STXBP5: variants seen among roughly 807,000 people sequenced by gnomAD.
STXBP5 encodes the protein syntaxin binding protein 5.
A neutral mutation model predicts 152.4 loss-of-function variants in STXBP5; 50 were observed. The ratio of observed to expected loss-of-function variants is 0.33; its 90% CI spans 0.26 to 0.42. The LOEUF is 0.42. STXBP5 is among the 10% of genes least tolerant of loss of function. The pLI, the probability that STXBP5 is intolerant of heterozygous loss-of-function variation, is 1.00. For missense variants in STXBP5, 1,167 were observed against 1,388.6 expected, an observed-to-expected ratio of 0.84 and a Z score of 2.54; for synonymous variants, 492 against 494.7, an observed-to-expected ratio of 0.99 and a Z score of 0.07.
At chr6:147,213,434 ATGTGTG>A (rs1159372834) in intron 2 of STXBP5, among the ~76,000 whole-genome samples, 163 of 85,592 alleles carry the variant, frequency 1.9e-3, no homozygotes, top group Admixed American at 3.9e-3. Flanking sequence ...AATTTTATAT[ATGTGTG>A]TGTGTGTGTG....
At chr6:147,382,716 G>T in intron 26 of STXBP5, 62 bp from the exon 27 acceptor site, 6 of 1,540,744 alleles carry the variant, frequency 3.9e-6, no homozygotes, top group Non-Finnish European at 5.3e-6. Flanking sequence ...AATGTAGTAG[G>T]ATTTTATATT....
intron 8 of STXBP5, among the ~76,000 whole-genome samples, chr6:147,284,575 G>T (rs1410766916): frequency 6.6e-6 from 1 of 152,202 alleles, no homozygotes; most frequent in Non-Finnish European, 1.5e-5. Context: ...TTGGGTAAAA[G>T]GTGTTGGACT....
At chr6:147,213,710 C>T (rs1376786559) in intron 2 of STXBP5, among the ~76,000 whole-genome samples, 1 of 151,874 alleles carries the variant, frequency 6.6e-6, no homozygotes, top group East Asian at 1.9e-4. Context: ...ATGAAAGTTT[C>T]CTGACCTGAT....
At chr6:147,258,408 C>T (rs1327419598) in intron 4 of STXBP5, among the ~76,000 whole-genome samples, 1 of 152,110 alleles carries the variant, frequency 6.6e-6, no homozygotes, top group Non-Finnish European at 1.5e-5. Context: ...CAAACATGCA[C>T]ACGCATAACA....
chr6:147,235,496 A>G (rs975091351), intron 3 of STXBP5, among the ~76,000 whole-genome samples, 165 bp downstream of exon 3: 12 of 152,186 alleles, frequency 7.9e-5, no homozygotes, highest in African/African-American at 2.2e-4. Context: ...CGTCATGGAC[A>G]GTTACATAAA....
At chr6:147,294,393 A>C (rs1460278005) in intron 9 of STXBP5, among the ~76,000 whole-genome samples, 1 of 152,088 alleles carries the variant, frequency 6.6e-6, no homozygotes, top group East Asian at 1.9e-4. Context: ...TTGTTAAAAA[A>C]TTAGATAAAT....
intron 3 of STXBP5, 87 bp from the exon 4 acceptor site, chr6:147,239,083 G>A: frequency 1.7e-6 from 2 of 1,194,496 alleles, no homozygotes; most frequent in Non-Finnish European, 2.3e-6. Context: ...TTGAAATTTG[G>A]GAAGGAGATA....
chr6:147,279,877 A>G (rs951420614), intron 8 of STXBP5, among the ~76,000 whole-genome samples: 1 of 152,182 alleles, frequency 6.6e-6, no homozygotes, highest in African/African-American at 2.4e-5. Context: ...AAAATCTTTC[A>G]TTTTAAACCC....
At chr6:147,309,813 T>G (rs1355752759) in intron 9 of STXBP5, among the ~76,000 whole-genome samples, 1 of 152,034 alleles carries the variant, frequency 6.6e-6, no homozygotes, top group Non-Finnish European at 1.5e-5. Context: ...CAGAGAGAAT[T>G]TTATGAAAAT....
Position 147,325,020 on chromosome 6 carries a change from G to C in STXBP5, c.1864G>C (p.Val622Leu). The stretch of plus-strand genomic sequence containing the variant: ...TCAAACAGAACTAGTTATTCAGTTG[G>C]TTTGGGTGGGTGGAGAACCACCACA... ...GYQTELVIQLVWVGGEPPQQI... is the reference protein window; with the variant it reads ...GYQTELVIQLLWVGGEPPQQI... The change falls in exon 17 of 28, where the codon GTT (valine) becomes CTT (leucine). Residue 622 changes from valine (V) to leucine (L), a missense_variant. Around this residue, in one of 3 missense-constraint regions of STXBP5, gnomAD observed 833 missense variants for 986.3 expected, o/e 0.84. Transcript: ENST00000321680. 1 of 1,595,960 alleles carries C rather than the reference G, an allele frequency of 6.3e-7. No individual in the cohort carries two copies. The highest frequency in any genetic ancestry group is 8.6e-7 in the Non-Finnish European group (1 of 1,168,836).
chr6:147,325,401 A>G (rs1256984189), intron 17 of STXBP5, among the ~76,000 whole-genome samples: 2 of 152,194 alleles, frequency 1.3e-5, no homozygotes, highest in African/African-American at 2.4e-5. Flanking sequence ...AATAATTACT[A>G]TAATGGAAAT....
chr6:147,211,798 C>G (rs1776870130), intron 2 of STXBP5, among the ~76,000 whole-genome samples: 1 of 152,130 alleles, frequency 6.6e-6, no homozygotes, highest in Non-Finnish European at 1.5e-5. Flanking sequence ...CCAGGCTGGT[C>G]TTGAACTCCT....
At chr6:147,314,960 T>C (rs1377614866) in intron 14 of STXBP5, among the ~76,000 whole-genome samples, 3 of 152,160 alleles carry the variant, frequency 2.0e-5, no homozygotes, top group Non-Finnish European at 4.4e-5. Context: ...AATGCCTGAC[T>C]CTAAATTTGT....
chr6:147,347,769 T>A (rs1784402671), intron 21 of STXBP5, among the ~76,000 whole-genome samples: 1 of 152,204 alleles, frequency 6.6e-6, no homozygotes. Context: ...TAAAAAAAAG[T>A]TTGAAATATA....
chr6:147,352,863 G>A (rs1398181880), intron 21 of STXBP5, among the ~76,000 whole-genome samples: 2 of 152,058 alleles, frequency 1.3e-5, no homozygotes, highest in East Asian at 3.9e-4. Flanking sequence ...CATCAAGTAA[G>A]TAAAAACTTT....
intron 8 of STXBP5, among the ~76,000 whole-genome samples, chr6:147,285,768 C>G (rs1043204026): frequency 6.6e-6 from 1 of 151,804 alleles, no homozygotes; most frequent in East Asian, 1.9e-4. Context: ...GGCTTGGAAG[C>G]GTTTAGCAAA....
chr6:147,282,194 A>G (rs576180026), intron 8 of STXBP5, among the ~76,000 whole-genome samples: 75 of 152,320 alleles, frequency 4.9e-4, no homozygotes, highest in African/African-American at 1.8e-3. Flanking sequence ...TTCCACAAAG[A>G]CTAGTTTTTC....
Position 147,260,859 on chromosome 6 carries a change from G to A in STXBP5, c.566+110G>A, listed in dbSNP as rs1376936806. The A allele has an allele frequency of 2.3e-6, 3 of 1,307,728 alleles. No homozygotes were observed. The South Asian group carries it at 4.5e-5, about 20-fold the overall frequency. 81.0% of individuals were successfully genotyped at this position (1,307,728 alleles called of 1,614,324 possible). ...GTATGGAATTAAATATGTGACAGATGTTCTTAATATTAAGTACAGATTTAT... is the reference window on the plus strand; with the variant it reads ...GTATGGAATTAAATATGTGACAGATATTCTTAATATTAAGTACAGATTTAT... On this transcript the variant is annotated intron_variant, in intron 5 of 27. Transcript: ENST00000321680.
chr6:147,223,581 A>C (rs1051104313), intron 2 of STXBP5, among the ~76,000 whole-genome samples: 2 of 152,218 alleles, frequency 1.3e-5, no homozygotes, highest in Non-Finnish European at 2.9e-5. Context: ...ACTTATGTCC[A>C]CAAGGTTTCC....
Sources: gnomAD v4.1 joint callset for allele counts (sites outside exome capture counted in the v4.1 genomes callset) on GRCh38, gnomAD v4.1.1 for gene constraint, gnomAD v4.1.1 regional missense constraint, MANE v1.5 for transcripts, NCBI Gene and HGNC (gene_info 2026-07-23, HGNC 2026-07-21) for gene names.